Variants in FGD6 observed in about 807,000 individuals in gnomAD.
FGD6 encodes the protein FYVE, RhoGEF and PH domain-containing protein 6.
Under a neutral mutation model 149.4 loss-of-function variants are expected in FGD6, and 90 were observed. The ratio of observed to expected loss-of-function variants is 0.60; its 90% confidence interval spans 0.51 to 0.72. FGD6 has a LOEUF of 0.72. Among genes scored for constraint, FGD6 ranks in the 30% least tolerant of loss-of-function variants. The pLI is 0.00. For missense variants in FGD6, 1,437 were observed against 1,684.8 expected, an observed-to-expected ratio of 0.85 and a Z score of 2.57; for synonymous variants, 527 against 584.0, an observed-to-expected ratio of 0.90 and a Z score of 1.41.
intron 3 of FGD6, among the ~76,000 whole-genome samples, chr12:95,169,600 G>C (rs1880929656): frequency 6.6e-6 from 1 of 152,144 alleles, no homozygotes; most frequent in African/African-American, 2.4e-5. Context: ...ACACTGCTGG[G>C]TTAAAGATTA....
chr12:95,132,967 CACA>C (rs1318391780), intron 8 of FGD6, among the ~76,000 whole-genome samples: 1 of 152,180 alleles, frequency 6.6e-6, no homozygotes, highest in African/African-American at 2.4e-5. Context: ...CTAGCAAAAA[CACA>C]ACATGTGTAT....
chr12:95,125,492 C>T (rs980781833), intron 8 of FGD6, among the ~76,000 whole-genome samples: 51 of 152,070 alleles, frequency 3.4e-4, no homozygotes, highest in African/African-American at 1.2e-3. Context: ...AAAAATTAGC[C>T]GGGTATGGTG....
chr12:95,134,905 A>C, intron 7 of FGD6, 79 bp from the exon 8 acceptor site: 1 of 1,094,572 alleles, frequency 9.1e-7, no homozygotes, highest in Non-Finnish European at 1.3e-6. Flanking sequence ...CAGGAAGCCA[A>C]ACTTTAAACA....
At chr12:95,099,062 A>G (rs1878333968) in intron 14 of FGD6, among the ~76,000 whole-genome samples, 1 of 152,084 alleles carries the variant, frequency 6.6e-6, no homozygotes, top group Non-Finnish European at 1.5e-5. Context: ...GTAAAATATT[A>G]AACGGGGTTT....
intron 5 of FGD6, among the ~76,000 whole-genome samples, chr12:95,151,256 A>C (rs1201614407): frequency 2.6e-5 from 4 of 152,082 alleles, no homozygotes; most frequent in Non-Finnish European, 5.9e-5. Context: ...TTCACATAGG[A>C]ATCAGGCCCC....
intron 1 of FGD6, among the ~76,000 whole-genome samples, chr12:95,212,238 G>A (rs1180072791): frequency 6.6e-6 from 1 of 152,148 alleles, no homozygotes; most frequent in African/African-American, 2.4e-5. Flanking sequence ...AGTTTCTGGG[G>A]ATAGATCCTG....
chr12:95,174,654 C>A (rs934933007), intron 2 of FGD6, among the ~76,000 whole-genome samples: 1 of 152,118 alleles, frequency 6.6e-6, no homozygotes, highest in Non-Finnish European at 1.5e-5. Context: ...TTTGGCCAGG[C>A]GCGGTGGCTC....
intron 7 of FGD6, 109 bp from the exon 8 acceptor site, chr12:95,134,935 G>GCCTCTCT: frequency 1.3e-6 from 1 of 751,162 alleles, no homozygotes; most frequent in Non-Finnish European, 2.2e-6. Flanking sequence ...TCTGGAAGGA[G>GCCTCTCT]ATTCGTAGAG....
chr12:95,150,592 A>C (rs1334715430), intron 5 of FGD6, among the ~76,000 whole-genome samples: 1 of 152,052 alleles, frequency 6.6e-6, no homozygotes, highest in Non-Finnish European at 1.5e-5. Context: ...CACTCAATAA[A>C]TTTGTTAGGG....
chr12:95,159,377 T>C (rs544664430), intron 3 of FGD6, among the ~76,000 whole-genome samples: 31 of 152,290 alleles, frequency 2.0e-4, no homozygotes, highest in Admixed American at 9.2e-4. Context: ...TTATTAGATA[T>C]GACACCAAAA....
At chr12:95,083,006 A>AT (rs1314435937) in intron 20 of FGD6, among the ~76,000 whole-genome samples, 17 of 44,766 alleles carry the variant, frequency 3.8e-4, no homozygotes, top group South Asian at 8.7e-4. Context: ...AAAAAAAAAA[A>AT]AAAAAAATAT....
At chr12:95,199,513 G>C (rs1431854481) in intron 2 of FGD6, among the ~76,000 whole-genome samples, 2 of 151,556 alleles carry the variant, frequency 1.3e-5, no homozygotes, top group Non-Finnish European at 2.9e-5. Flanking sequence ...ATCTATCCCT[G>C]CCTTCCTCCC....
intron 1 of FGD6, among the ~76,000 whole-genome samples, chr12:95,211,542 C>CTT (rs59361079): frequency 0.017 from 2,371 of 142,392 alleles, 67 homozygotes; most frequent in African/African-American, 0.056. Context: ...TCTTTTTCTT[C>CTT]TTTTTTTTTT....
intron 8 of FGD6, chr12:95,126,454 C>G (rs1375189596): frequency 3.4e-5 from 30 of 890,968 alleles, no homozygotes; most frequent in Non-Finnish European, 4.3e-5. Flanking sequence ...AAAGGCCAGC[C>G]ATGGTGGCTC....
intron 20 of FGD6, among the ~76,000 whole-genome samples, chr12:95,083,030 T>TACACACACACACACACACACAC (rs1555215606): frequency 3.5e-5 from 2 of 56,578 alleles, no homozygotes; most frequent in African/African-American, 1.6e-4. Context: ...TATATATATA[T>TACACACACACACACACACACAC]ACACACACAT....
intron 5 of FGD6, among the ~76,000 whole-genome samples, chr12:95,144,890 A>G (rs1388458275): frequency 1.4e-5 from 2 of 147,330 alleles, no homozygotes; most frequent in Non-Finnish European, 3.0e-5. Flanking sequence ...GGATTTCACC[A>G]TGTTGGCCAG....
intron 3 of FGD6, among the ~76,000 whole-genome samples, chr12:95,166,831 GATTAGT>G (rs1243211688): frequency 6.7e-6 from 1 of 148,518 alleles, no homozygotes; most frequent in Admixed American, 6.8e-5. Context: ...CTCATCATTT[GATTAGT>G]ATTTGGGTTC....
intron 8 of FGD6, among the ~76,000 whole-genome samples, chr12:95,129,528 T>A (rs1879456566): frequency 1.3e-5 from 2 of 152,092 alleles, no homozygotes; most frequent in Non-Finnish European, 2.9e-5. Flanking sequence ...CCGGAAGAGA[T>A]GAGAAAGAAG....
At chr12:95,095,351 G>A (rs1878199399) in intron 14 of FGD6, among the ~76,000 whole-genome samples, 1 of 151,384 alleles carries the variant, frequency 6.6e-6, no homozygotes, top group African/African-American at 2.4e-5. Context: ...CCAAATAGGG[G>A]CAAACTTGGT....
Sources: allele counts gnomAD v4.1 joint callset (sites outside exome capture counted in the v4.1 genomes callset), GRCh38; gene constraint gnomAD v4.1.1; transcripts MANE v1.5; gene names NCBI Gene and HGNC (gene_info 2026-07-23, HGNC 2026-07-21).